Variants in ADGRG4 observed in about 807,000 individuals in gnomAD.
The protein encoded by ADGRG4 is G protein-coupled receptor 112.
Under a neutral mutation model 126.2 loss-of-function variants are expected in ADGRG4, and 122 were observed. The observed-to-expected ratio is 0.97, with a 90% CI of 0.83 to 1.12. ADGRG4 has a LOEUF of 1.12. Among genes scored for constraint, ADGRG4 ranks in the 50% most tolerant of loss-of-function variants. The pLI is 0.00. For synonymous variants in ADGRG4, 943 were observed against 838.7 expected (o/e 1.12, Z -2.15); for missense variants, 2,481 against 2,251.8 (o/e 1.10, Z -2.06).
In ADGRG4 at chrX:136,414,230, A is replaced by G; in HGVS notation, c.9108A>G (p.Lys3036=). The change falls in exon 25 of 26, where the codon AAA becomes AAG. Residue 3036 remains lysine, a synonymous_variant. Transcript: ENST00000394143. ...GACTAAAGAAAATCTTTGAGCACAA[A>G]CTGTTGACGCCATCTCTCAAGTCAA... ...QEGLKKIFEH[K]LLTPSLKSTA... The G allele has an allele frequency of 1.7e-6, 2 of 1,202,916 alleles. No individual in the cohort carries two copies. Among genetic ancestry groups the G allele is most frequent in the Non-Finnish European group, 2.3e-6 (2 of 887,958 alleles).
rs188858863 is a variant in ADGRG4, at chrX:136,349,039, C to T, written c.5333C>T (p.Ser1778Phe). The stretch of plus-strand genomic sequence containing the variant: ...TCTCTGACTAGCTTTAAGAGTGCTT[C>T]TGGACCCACAAAAAATGTTAAAACA... ...SPSLTSFKSA[S>F]GPTKNVKTTT... Residue 1778 changes from serine (S) to phenylalanine (F), a missense_variant, in exon 6 of 26, where the codon TCT becomes TTT. Physicochemically the swap from Ser to Phe is radical, Grantham distance 155 (BLOSUM62 -2). Transcript: ENST00000394143. 4.2e-6 allele frequency: 5 copies of T among 1,203,284 alleles called. No individual in the cohort carries two copies. In the African/African-American group the frequency reaches 8.8e-5, roughly 21 times the overall value.
intron 15 of ADGRG4, among the ~76,000 whole-genome samples, chrX:136,374,986 G>A (rs1418107244): frequency 9.1e-6 from 1 of 110,432 alleles, no homozygotes; most frequent in Non-Finnish European, 1.9e-5. Context: ...CGTCACCTGA[G>A]CAGTATACAC....
intron 5 of ADGRG4, among the ~76,000 whole-genome samples, chrX:136,333,323 C>T (rs1319129515): frequency 9.0e-6 from 1 of 110,868 alleles, no homozygotes; most frequent in African/African-American, 3.3e-5. Context: ...GGGGTTTCAC[C>T]GTGTTAGCCA....
At chrX:136,409,412 T>C (rs765867387) in intron 23 of ADGRG4, among the ~76,000 whole-genome samples, 1 of 111,531 alleles carries the variant, frequency 9.0e-6, no homozygotes, top group Non-Finnish European at 1.9e-5. Context: ...AATAACCTTT[T>C]AAGTCGGAAA....
chrX:136,345,165 AACC>A lies in ADGRG4; in HGVS notation c.1461_1463del (p.Asn487_Gln488delinsLys), dbSNP rs2075005508. 1 of 1,209,396 alleles carries A rather than the reference AACC, an allele frequency of 8.3e-7. No homozygotes were observed. Among genetic ancestry groups the A allele is most frequent in the Non-Finnish European group, 1.1e-6 (1 of 894,578 alleles). ...TCCAGTAGATTCTGTATTTCCTAGAAACCAGACAGCATTTCCATTGGCAACAAC... is the reference window on the plus strand; with the variant it reads ...TCCAGTAGATTCTGTATTTCCTAGAAAGACAGCATTTCCATTGGCAACAAC... On this transcript the variant is annotated inframe_deletion, in exon 6 of 26. Transcript: ENST00000394143.
chrX:136,318,428 G>A (rs1489776211), intron 4 of ADGRG4, among the ~76,000 whole-genome samples: 1 of 111,893 alleles, frequency 8.9e-6, no homozygotes, highest in Non-Finnish European at 1.9e-5. Flanking sequence ...TTCCTTTTTG[G>A]ATGATGAAAA....
At chrX:136,383,813 C>CCTTTCTTTCTTTCTTTCTTTCTTT (rs373849599) in intron 15 of ADGRG4, among the ~76,000 whole-genome samples, 1 of 59,589 alleles carries the variant, frequency 1.7e-5, no homozygotes, top group Non-Finnish European at 3.2e-5. Context: ...TATATATTTG[C>CCTTTCTTTCTTTCTTTCTTTCTTT]CTTTCTTTCT....
chrX:136,401,912 C>T (rs985625323), intron 21 of ADGRG4, among the ~76,000 whole-genome samples: 1 of 111,713 alleles, frequency 9.0e-6, no homozygotes, highest in Admixed American at 9.5e-5. Flanking sequence ...GAGATGGCCC[C>T]GGAGCACCTC....
At chrX:136,382,373 CACAA>C (rs1324956309) in intron 15 of ADGRG4, among the ~76,000 whole-genome samples, 1 of 111,990 alleles carries the variant, frequency 8.9e-6, no homozygotes, top group Non-Finnish European at 1.9e-5. Flanking sequence ...TGTATACATG[CACAA>C]ACATGTTTTT....
At chrX:136,325,394 A>G (rs949742105) in intron 5 of ADGRG4, among the ~76,000 whole-genome samples, 4 of 112,161 alleles carry the variant, frequency 3.6e-5, no homozygotes. Flanking sequence ...TACCACCCAA[A>G]GATATTTGTT....
At chrX:136,414,028 A>T in intron 24 of ADGRG4, 132 bp from the exon 25 acceptor site, 1 of 526,958 alleles carries the variant, frequency 1.9e-6, no homozygotes, top group Non-Finnish European at 2.9e-6. Flanking sequence ...GGCGTGAGCC[A>T]CTGCGCCTGG....
At chrX:136,358,376 C>T (rs756659533) in intron 10 of ADGRG4, among the ~76,000 whole-genome samples, 1 of 111,683 alleles carries the variant, frequency 9.0e-6, no homozygotes, top group Non-Finnish European at 1.9e-5. Context: ...GCAGATATCA[C>T]TTAGATTAGA....
At chrX:136,333,748 C>G (rs2074929066) in intron 5 of ADGRG4, among the ~76,000 whole-genome samples, 1 of 111,189 alleles carries the variant, frequency 9.0e-6, no homozygotes, top group Non-Finnish European at 1.9e-5. Context: ...GAACTCTTGA[C>G]CTCAAATTCT....
Position 136,322,945 on chromosome X carries a change from A to G in ADGRG4, c.238A>G (p.Asn80Asp). The stretch of plus-strand genomic sequence containing the variant: ...GATGGCCTTCTCTTATATTACTAAT[A>G]ACGCCCTCCTGGGCAGAGAAGACAT... Reference protein sequence around the residue: ...YWMAFSYITNNALLGREDIDL... With the variant: ...YWMAFSYITNDALLGREDIDL... The change falls in exon 5 of 26, where the codon AAC becomes GAC. Residue 80 changes from asparagine (N) to aspartate (D), a missense_variant. Asn to Asp is a conservative substitution (Grantham distance 23). Coordinates refer to ENST00000394143, the MANE Select transcript of ADGRG4 (RefSeq NM_153834.4). 1 of 1,210,757 alleles carries G rather than the reference A, an allele frequency of 8.3e-7. No homozygotes were observed. The highest frequency in any genetic ancestry group is 1.1e-6 in the Non-Finnish European group (1 of 894,458).
intron 5 of ADGRG4, among the ~76,000 whole-genome samples, chrX:136,342,348 T>C (rs2074983598): frequency 1.8e-5 from 2 of 112,175 alleles, no homozygotes; most frequent in Admixed American, 9.5e-5. Flanking sequence ...ATACTAAACA[T>C]CTACCATGTG....
intron 15 of ADGRG4, among the ~76,000 whole-genome samples, chrX:136,381,554 C>T (rs2075264069): frequency 9.0e-6 from 1 of 111,612 alleles, no homozygotes; most frequent in African/African-American, 3.3e-5. Flanking sequence ...TTATTGATTT[C>T]TTGTTTATTT....
intron 5 of ADGRG4, among the ~76,000 whole-genome samples, chrX:136,324,438 C>G (rs1243449082): frequency 9.0e-6 from 1 of 110,559 alleles, no homozygotes; most frequent in East Asian, 2.8e-4. Context: ...GACACAGGGT[C>G]TCACTCTAGC....
At chrX:136,341,556 A>G (rs1230264862) in intron 5 of ADGRG4, among the ~76,000 whole-genome samples, 4 of 112,434 alleles carry the variant, frequency 3.6e-5, no homozygotes, top group Non-Finnish European at 7.5e-5. Context: ...TTATGGACAA[A>G]TTTGAAAGCA....
chrX:136,325,580 A>G (rs957183860), intron 5 of ADGRG4, among the ~76,000 whole-genome samples: 1 of 111,690 alleles, frequency 9.0e-6, no homozygotes, highest in African/African-American at 3.3e-5. Flanking sequence ...TGTGCTCAGC[A>G]GTGGTGTTTT....
Sources: allele counts gnomAD v4.1 joint callset (sites outside exome capture counted in the v4.1 genomes callset), GRCh38; gene constraint gnomAD v4.1.1; transcripts MANE v1.5; gene names NCBI Gene and HGNC (gene_info 2026-07-23, HGNC 2026-07-21).